The following FRMPD4 variants were observed in gnomAD, a reference collection of about 807,000 sequenced individuals.
FRMPD4 encodes the protein FERM and PDZ domain containing 4, also known as FERM and PDZ domain-containing protein 4.
FRMPD4 carries 22 observed loss-of-function variants against 94.1 expected under a neutral mutation model. That is an observed-to-expected ratio of 0.23 (90% CI 0.17 to 0.33). The LOEUF (loss-of-function observed/expected upper bound fraction) is 0.33. Ranked by LOEUF, FRMPD4 falls within the 10% of genes least tolerant of loss-of-function variation. The pLI is 1.00. For synonymous variants in FRMPD4, 631 were observed against 548.6 expected (o/e 1.15, Z -2.10); for missense variants, 1,111 against 1,339.9 (o/e 0.83, Z 2.67).
chrX:12,135,450 A>G (rs756602350), upstream of FRMPD4, among the ~76,000 whole-genome samples: 4 of 108,165 alleles, frequency 3.7e-5, no homozygotes, highest in South Asian at 1.7e-3. Context: ...TGTTGTATTA[A>G]TGAGAAACAA....
At chrX:12,060,517 C>G (rs918447974) in intron 3 of FRMPD4, among the ~76,000 whole-genome samples, 1 of 109,386 alleles carries the variant, frequency 9.1e-6, no homozygotes, top group Non-Finnish European at 1.9e-5. Flanking sequence ...TATATATTTT[C>G]CTAGCTATTT....
intron 3 of FRMPD4, among the ~76,000 whole-genome samples, chrX:11,955,941 T>A (rs1173371493): frequency 9.0e-6 from 1 of 111,523 alleles, no homozygotes; most frequent in Non-Finnish European, 1.9e-5. Flanking sequence ...TCAGGAAGTT[T>A]CTAACATGCA....
chrX:12,428,263 G>A (rs2056973944), intron 1 of FRMPD4, among the ~76,000 whole-genome samples: 1 of 111,253 alleles, frequency 9.0e-6, no homozygotes, highest in African/African-American at 3.3e-5. Context: ...GCCTAGCCAA[G>A]TATCACAGTA....
At chrX:12,174,286 A>AT (rs904090250) in intron 1 of FRMPD4, among the ~76,000 whole-genome samples, 1 of 111,865 alleles carries the variant, frequency 8.9e-6, no homozygotes, top group African/African-American at 3.3e-5. Flanking sequence ...AAATATTATT[A>AT]TTTTTTCAAC....
Position 12,561,612 on chromosome X carries a change from G to C in FRMPD4, c.159-48109G>C, listed in dbSNP as rs1328526430. ...TAGTTATCATAACCATAAACTAACC[G>C]TATAAAGTAGTTTGTGATGTGTACC... On this transcript the variant is annotated intron_variant, in intron 2 of 16. Coordinates refer to ENST00000675598, the MANE Select transcript of FRMPD4 (RefSeq NM_001368397.1). Among the ~76,000 whole-genome samples the C allele has an allele frequency of 9.8e-5, 11 of 112,332 alleles. No homozygotes were observed. In the Admixed American group the frequency reaches 1.0e-3, roughly 11 times the overall value.
chrX:12,172,900 T>G (rs2056247661), intron 1 of FRMPD4, among the ~76,000 whole-genome samples: 1 of 112,885 alleles, frequency 8.9e-6, no homozygotes, highest in African/African-American at 3.2e-5. Context: ...TTTGCCACTA[T>G]AGCAGTTTTA....
At chrX:12,448,128 G>GTGTT (rs1251658627) in intron 1 of FRMPD4, among the ~76,000 whole-genome samples, 2 of 111,599 alleles carry the variant, frequency 1.8e-5, no homozygotes, top group African/African-American at 6.5e-5. Flanking sequence ...GAATGATGGA[G>GTGTT]TGTTTGTATA....
chrX:12,088,903 T>A (rs1468344348), intron 3 of FRMPD4, among the ~76,000 whole-genome samples: 1 of 112,230 alleles, frequency 8.9e-6, no homozygotes, highest in Non-Finnish European at 1.9e-5. Context: ...CACACCCATA[T>A]AACCAACATT....
rs141614771 is a variant in FRMPD4 at position 12,008,327 on chromosome X, C to T, written c.95+130309C>T. ...GAACCAGTATTCAACCCCAGGGGTTCTGGCTCTATTATTTGTCATTGGCTT... is the reference window on the plus strand; with the variant it reads ...GAACCAGTATTCAACCCCAGGGGTTTTGGCTCTATTATTTGTCATTGGCTT... On this transcript the variant is annotated intron_variant, in intron 3 of 18. Coordinates refer to the FRMPD4 transcript ENST00000640291. Among the ~76,000 whole-genome samples, 261 of 111,780 alleles carry T rather than the reference C, an allele frequency of 2.3e-3. 1 individual carries two copies. Among genetic ancestry groups the T allele is most frequent in the African/African-American group, 7.3e-3 (226 of 30,799 alleles).
intron 2 of FRMPD4, among the ~76,000 whole-genome samples, chrX:12,529,543 A>AC (rs1295445639): frequency 1.8e-5 from 2 of 112,271 alleles, no homozygotes; most frequent in Non-Finnish European, 3.8e-5. Flanking sequence ...ATTTTGTTCA[A>AC]CAAACATTTA....
At chrX:11,847,962 G>C (rs1209775089) in intron 1 of FRMPD4, among the ~76,000 whole-genome samples, 13 of 104,395 alleles carry the variant, frequency 1.2e-4, no homozygotes, top group African/African-American at 4.6e-4. Context: ...CAGCACACCA[G>C]CATGGCACAT....
intron 2 of FRMPD4, among the ~76,000 whole-genome samples, chrX:12,512,990 C>T (rs1005018907): frequency 1.2e-4 from 14 of 112,361 alleles, no homozygotes; most frequent in South Asian, 7.4e-4. Flanking sequence ...AGCTTTTCTT[C>T]ATATATTTCT....
chrX:12,323,512 G>T (rs1364777453), intron 1 of FRMPD4, among the ~76,000 whole-genome samples: 1 of 111,825 alleles, frequency 8.9e-6, no homozygotes, highest in African/African-American at 3.2e-5. Flanking sequence ...CAGCCAGGCT[G>T]TGGCACTAGG....
rs1462726328 is a variant in FRMPD4 at position 12,194,243 on chromosome X, C to G, written c.41+55231C>G. Among the ~76,000 whole-genome samples the G allele has an allele frequency of 3.6e-5, 4 of 110,882 alleles. No individual in the cohort carries two copies. The Admixed American group carries it at 3.8e-4, about 11-fold the overall frequency. On this transcript the variant is annotated intron_variant, in intron 1 of 16. Coordinates refer to ENST00000675598, the MANE Select transcript of FRMPD4 (RefSeq NM_001368397.1). The stretch of plus-strand genomic sequence containing the variant: ...ATCAATGAAAAATAATTTCTCATAC[C>G]CTTATGCTAATTAATAACCCTCTGG...
At chrX:12,630,811 T>C (rs2059388786) in intron 4 of FRMPD4, among the ~76,000 whole-genome samples, 1 of 111,850 alleles carries the variant, frequency 8.9e-6, no homozygotes, top group South Asian at 3.8e-4. Flanking sequence ...TTCCTAATGA[T>C]AATGGCCAAT....
At chrX:11,912,030 GAGA>G (rs1238686592) in intron 3 of FRMPD4, among the ~76,000 whole-genome samples, 1 of 111,623 alleles carries the variant, frequency 9.0e-6, no homozygotes, top group East Asian at 2.8e-4. Flanking sequence ...AGTACATAGA[GAGA>G]AGAAGGCTTT....
chrX:12,451,732 C>CTG (rs1176367524), intron 1 of FRMPD4, among the ~76,000 whole-genome samples: 2 of 55,147 alleles, frequency 3.6e-5, no homozygotes, highest in African/African-American at 1.2e-4. Flanking sequence ...GTGTGTATGC[C>CTG]CGTGTGTGTG....
intron 2 of FRMPD4, among the ~76,000 whole-genome samples, chrX:12,566,279 T>C (rs1238585186): frequency 9.0e-6 from 1 of 111,656 alleles, no homozygotes; most frequent in Non-Finnish European, 1.9e-5. Context: ...TCCTCCATGA[T>C]CTTGCTCAGG....
chrX:12,648,778 T>C (rs2059570552), intron 4 of FRMPD4, among the ~76,000 whole-genome samples: 1 of 112,359 alleles, frequency 8.9e-6, no homozygotes, highest in Non-Finnish European at 1.9e-5. Context: ...ATAATGACTT[T>C]ACCATGGATA....
Sources: gnomAD v4.1 joint callset for allele counts (sites outside exome capture counted in the v4.1 genomes callset) on GRCh38, gnomAD v4.1.1 for gene constraint, MANE v1.5 for transcripts, NCBI Gene and HGNC (gene_info 2026-07-23, HGNC 2026-07-21) for gene names.